MEIS2: variants seen among roughly 807,000 people sequenced by gnomAD.
MEIS2 encodes homeobox protein Meis2.
Under a neutral mutation model 58.6 loss-of-function variants are expected in MEIS2, and 9 were observed. The observed-to-expected ratio is 0.15, with a 90% CI of 0.09 to 0.27. The LOEUF is 0.27. Among genes scored for constraint, MEIS2 ranks in the 10% least tolerant of loss-of-function variants. The pLI is 1.00. For missense variants in MEIS2, 427 were observed against 635.0 expected, an observed-to-expected ratio of 0.67 and a Z score of 3.52; for synonymous variants, 221 against 228.4, an observed-to-expected ratio of 0.97 and a Z score of 0.29.
At chr15:37,057,389 T>C (rs1430905894) in intron 7 of MEIS2, among the ~76,000 whole-genome samples, 5 of 152,206 alleles carry the variant, frequency 3.3e-5, no homozygotes, top group African/African-American at 9.6e-5. Flanking sequence ...GGAGCTGTAT[T>C]AGCTGATCGT....
intron 8 of MEIS2, among the ~76,000 whole-genome samples, chr15:36,991,412 A>G (rs2060267688): frequency 6.6e-6 from 1 of 152,028 alleles, no homozygotes; most frequent in Middle Eastern, 3.4e-3. Flanking sequence ...TTCTGTCACA[A>G]AGCAAAAGGA....
intron 8 of MEIS2, among the ~76,000 whole-genome samples, chr15:37,016,565 G>A (rs2061356606): frequency 6.6e-6 from 1 of 152,088 alleles, no homozygotes; most frequent in Admixed American, 6.6e-5. Context: ...AGAAACGTCT[G>A]CCAGAACCCA....
intron 7 of MEIS2, among the ~76,000 whole-genome samples, chr15:37,063,146 A>C (rs1370364065): frequency 6.6e-6 from 1 of 152,212 alleles, no homozygotes; most frequent in Admixed American, 6.5e-5. Context: ...TTTCAGAATG[A>C]GGGAACATCT....
At chr15:37,089,460 A>G (rs1381722051) in intron 6 of MEIS2, among the ~76,000 whole-genome samples, 1 of 152,130 alleles carries the variant, frequency 6.6e-6, no homozygotes, top group South Asian at 2.1e-4. Flanking sequence ...CAAACAAACA[A>G]ACAAACTGTG....
At chr15:36,976,400 T>A (rs1010386568) in intron 8 of MEIS2, among the ~76,000 whole-genome samples, 3 of 151,484 alleles carry the variant, frequency 2.0e-5, no homozygotes, top group Non-Finnish European at 2.9e-5. Flanking sequence ...GAGATTTTTT[T>A]AAAAAGAAAG....
At chr15:36,934,517 A>G (rs534725337) in intron 9 of MEIS2, among the ~76,000 whole-genome samples, 2 of 152,324 alleles carry the variant, frequency 1.3e-5, no homozygotes, top group East Asian at 1.9e-4. Context: ...CTGATCCCTG[A>G]TGGTTTTAAC....
chr15:37,011,905 A>C (rs2061172496), intron 8 of MEIS2, among the ~76,000 whole-genome samples: 1 of 152,116 alleles, frequency 6.6e-6, no homozygotes. Context: ...GGTGTGAGGC[A>C]CTGCGCCCGG....
At chr15:37,075,387 C>T (rs1449743260) in intron 7 of MEIS2, among the ~76,000 whole-genome samples, 2 of 151,910 alleles carry the variant, frequency 1.3e-5, no homozygotes, top group East Asian at 3.9e-4. Context: ...GCTGATGGTC[C>T]ATTGACATAT....
At chr15:36,950,479 T>A in intron 8 of MEIS2, 79 bp from the exon 9 acceptor site, 3 of 1,344,882 alleles carry the variant, frequency 2.2e-6, no homozygotes, top group Non-Finnish European at 3.2e-6. Context: ...AAAACCACCG[T>A]TGGTGATTTC....
At chr15:36,956,321 T>C (rs1411402691) in intron 8 of MEIS2, among the ~76,000 whole-genome samples, 1 of 152,176 alleles carries the variant, frequency 6.6e-6, no homozygotes, top group Non-Finnish European at 1.5e-5. Flanking sequence ...AAATTGGCTT[T>C]GGTAAGAGTT....
At chr15:37,066,802 G>T (rs1301032979) in intron 7 of MEIS2, among the ~76,000 whole-genome samples, 2 of 152,056 alleles carry the variant, frequency 1.3e-5, no homozygotes, top group East Asian at 3.9e-4. Flanking sequence ...GTAGAGATGT[G>T]GTCTCACTCT....
intron 9 of MEIS2, among the ~76,000 whole-genome samples, chr15:36,941,554 T>A (rs2058375661): frequency 6.6e-6 from 1 of 152,132 alleles, no homozygotes; most frequent in Non-Finnish European, 1.5e-5. Flanking sequence ...TGTGCAGAGA[T>A]CAAGAAAGGT....
intron 6 of MEIS2, 74 bp downstream of exon 6, chr15:37,093,507 T>C: frequency 6.5e-7 from 1 of 1,543,018 alleles, no homozygotes; most frequent in South Asian, 1.2e-5. Context: ...TCAGTGGAGC[T>C]AGATGTTAAA....
At chr15:36,894,786 T>C (rs777051130) in intron 11 of MEIS2, 1 of 1,613,826 alleles carries the variant, frequency 6.2e-7, no homozygotes, top group South Asian at 1.1e-5. Flanking sequence ...TCCATGCCCA[T>C]ATTCATGCCC....
chr15:37,096,256 T>C, intron 3 of MEIS2, 33 bp downstream of exon 3: 1 of 1,553,414 alleles, frequency 6.4e-7, no homozygotes, highest in Non-Finnish European at 8.7e-7. Context: ...AGTGAGGGAC[T>C]GCCCGAAGTT....
rs534692479 is a variant in MEIS2 at position 37,098,379 on chromosome 15, GGAGAGAGAGAGAGAGAGA to G, written c.13-198_13-181del. The G allele has an allele frequency of 2.6e-3, 801 of 307,722 alleles. 3 individuals are homozygous for G. The highest frequency in any genetic ancestry group is 2.9e-3 in the Non-Finnish European group (731 of 250,946). 19.1% of individuals were successfully genotyped at this position (307,722 alleles called of 1,614,324 possible). A position where few individuals can be genotyped will look rare whatever the true frequency, so the allele number is the denominator to read the frequency against. ...GAGGAGGAGGAAAAGGAGGAGAGGG[GGAGAGAGAGAGAGAGAGA>G]GAGAGAGAGAGAGAGAGAGAGAGAG... On this transcript the variant is annotated intron_variant, in intron 1 of 11. Coordinates refer to ENST00000561208, the MANE Select transcript of MEIS2 (RefSeq NM_170675.5).
At chr15:37,085,615 G>A (rs778632403) in intron 6 of MEIS2, among the ~76,000 whole-genome samples, 16 of 152,264 alleles carry the variant, frequency 1.1e-4, no homozygotes, top group East Asian at 3.9e-4. Flanking sequence ...CTGCTATCAG[G>A]CAAGCAATTG....
intron 8 of MEIS2, among the ~76,000 whole-genome samples, chr15:36,988,975 T>G (rs2060182817): frequency 6.6e-6 from 1 of 152,184 alleles, no homozygotes; most frequent in African/African-American, 2.4e-5. Flanking sequence ...GAAAAAAGGA[T>G]GGGGTCCTGT....
intron 9 of MEIS2, among the ~76,000 whole-genome samples, chr15:36,923,583 C>G (rs1023321684): frequency 6.6e-6 from 1 of 152,206 alleles, no homozygotes; most frequent in Non-Finnish European, 1.5e-5. Flanking sequence ...ATAATCCTCA[C>G]AGAAACTGGT....
Sources: gnomAD v4.1 joint callset for allele counts (sites outside exome capture counted in the v4.1 genomes callset) on GRCh38, gnomAD v4.1.1 for gene constraint, MANE v1.5 for transcripts, NCBI Gene and HGNC (gene_info 2026-07-23, HGNC 2026-07-21) for gene names.